Variants in UBR4 observed in about 807,000 individuals in gnomAD.
UBR4 encodes ubiquitin protein ligase E3 component n-recognin 4.
UBR4 carries 124 observed loss-of-function variants against 575.6 expected under a neutral mutation model. That is an observed-to-expected ratio of 0.22 (90% confidence interval 0.19 to 0.25). The LOEUF is 0.25. Ranked by LOEUF, UBR4 falls within the 10% of genes least tolerant of loss-of-function variation. The probability of loss-of-function intolerance (pLI) is 1.00; values close to 1 mark genes in which losing one functional copy is unlikely to be tolerated. For missense variants in UBR4, 4,818 were observed against 6,478.8 expected (o/e 0.74, Z 8.80); for synonymous variants, 2,455 against 2,473.7 (o/e 0.99, Z 0.22).
intron 81 of UBR4, among the ~76,000 whole-genome samples, chr1:19,107,237 C>T (rs1309958060): frequency 1.3e-5 from 2 of 152,154 alleles, no homozygotes; most frequent in Non-Finnish European, 2.9e-5. Flanking sequence ...ATAGCACTTA[C>T]ACTAATTCCT....
At chr1:19,144,207 C>T in intron 54 of UBR4, 116 bp from the exon 55 acceptor site, 1 of 875,558 alleles carries the variant, frequency 1.1e-6, no homozygotes, top group Non-Finnish European at 1.8e-6. Flanking sequence ...CCTCTCTACT[C>T]TCACCTGCAA....
At chr1:19,160,072 TC>T in intron 39 of UBR4, 38 bp downstream of exon 39, 1 of 1,592,594 alleles carries the variant, frequency 6.3e-7, no homozygotes, top group South Asian at 1.1e-5. Context: ...ATTTGTTGGT[TC>T]CCACAGCCAC....
Position 19,089,098 on chromosome 1 carries a change from C to T in UBR4, c.14212-121G>A, listed in dbSNP as rs760473202. On this transcript the variant is annotated intron_variant, in intron 97 of 105. Coordinates refer to ENST00000375254, the MANE Select transcript of UBR4 (RefSeq NM_020765.3). The surrounding 1 kb of genome is among the most constrained non-coding windows in gnomAD (Gnocchi z 4.3). ...CCATCTCATGTCACCTGCTCAGCTG[C>T]AATCAGGTCCTTTGATTCCACACTT... 3.1e-6 allele frequency: 3 copies of T among 953,984 alleles called. No individual in the cohort carries two copies. In the South Asian group the frequency reaches 4.8e-5, roughly 15 times the overall value. 59.1% of individuals were successfully genotyped at this position (953,984 alleles called of 1,614,324 possible). A position where few individuals can be genotyped will look rare whatever the true frequency, so the allele number is the denominator to read the frequency against.
intron 42 of UBR4, 100 bp from the exon 43 acceptor site, chr1:19,155,768 C>A: frequency 1.0e-6 from 1 of 964,264 alleles, no homozygotes; most frequent in Admixed American, 2.1e-5. Context: ...CAATAACAGG[C>A]ATTCATTCTC....
At chr1:19,167,260 G>C in intron 28 of UBR4, 29 bp from the exon 29 acceptor site, 1 of 1,611,280 alleles carries the variant, frequency 6.2e-7, no homozygotes. Flanking sequence ...AATCGAGTTA[G>C]TGAATACACT....
chr1:19,149,295 C>G (rs1338362223), intron 49 of UBR4, among the ~76,000 whole-genome samples: 3 of 152,160 alleles, frequency 2.0e-5, no homozygotes, highest in Admixed American at 2.0e-4. Flanking sequence ...AACATCCTGA[C>G]AGCTGAAGCT....
At chr1:19,124,474 G>A in intron 65 of UBR4, 67 bp downstream of exon 65, 2 of 1,577,396 alleles carry the variant, frequency 1.3e-6, no homozygotes, top group Non-Finnish European at 1.7e-6. Flanking sequence ...GGAAGAAAGG[G>A]GCCCACAGAG....
intron 54 of UBR4, 83 bp from the exon 55 acceptor site, chr1:19,144,174 C>G: frequency 7.8e-7 from 1 of 1,280,776 alleles, no homozygotes; most frequent in Non-Finnish European, 1.1e-6. Context: ...TTCTTGGTCA[C>G]TCACTCACAT....
At chr1:19,197,072 T>A in intron 8 of UBR4, 69 bp downstream of exon 8, 1 of 1,565,334 alleles carries the variant, frequency 6.4e-7, no homozygotes, top group Admixed American at 1.8e-5. Context: ...TCAGGAGGAT[T>A]TTCATGGTTT....
At chr1:19,105,669 G>A (rs879257483) in intron 84 of UBR4, 64 bp downstream of exon 84, 105 of 1,240,932 alleles carry the variant, frequency 8.5e-5, no homozygotes, top group Admixed American at 3.8e-4. Flanking sequence ...TGGATTCCCC[G>A]GGGAAGATGA....
intron 11 of UBR4, among the ~76,000 whole-genome samples, chr1:19,190,176 C>G (rs2091933301): frequency 6.6e-6 from 1 of 150,532 alleles, no homozygotes; most frequent in Non-Finnish European, 1.5e-5. Context: ...CACCTGTAAT[C>G]CTAGCTACCT....
At chr1:19,182,214 G>A (rs143993844) in intron 17 of UBR4, among the ~76,000 whole-genome samples, 139 of 152,276 alleles carry the variant, frequency 9.1e-4, no homozygotes, top group African/African-American at 3.1e-3. Context: ...TGGACACCAG[G>A]GTTGCTTCCA....
rs745598646 is a variant in UBR4 at position 19,128,680 on chromosome 1, T to C, written c.9003+298A>G. ...CAGCTAGTGAGTGGAAGAACAGCTA[T>C]TGGCCCACACTCTAATATCAACATA... On this transcript the variant is annotated intron_variant, in intron 61 of 105. Transcript: ENST00000375254. 2.0e-4 allele frequency among the ~76,000 whole-genome samples: 30 copies of C among 152,336 alleles called. 1 individual carries two copies. The highest frequency in any genetic ancestry group is 6.8e-3 in the Middle Eastern group (2 of 294).
chr1:19,198,408 C>T, intron 5 of UBR4, 133 bp downstream of exon 5: 1 of 1,262,594 alleles, frequency 7.9e-7, no homozygotes, highest in Non-Finnish European at 1.1e-6. Flanking sequence ...TTTTGTATTC[C>T]TCAATTTCTT....
At chr1:19,116,308 C>T (rs1216470242) in intron 73 of UBR4, among the ~76,000 whole-genome samples, 1 of 152,162 alleles carries the variant, frequency 6.6e-6, no homozygotes, top group Non-Finnish European at 1.5e-5. Flanking sequence ...GGGATCTGAA[C>T]CCAAATAGTC....
Position 19,145,913 on chromosome 1 carries a change from C to T in UBR4, c.7825G>A (p.Glu2609Lys). Residue 2609 changes from glutamate (E) to lysine (K), a missense_variant, in exon 53 of 106, where the codon GAA becomes AAA. By Grantham distance (56) the Glu-to-Lys change is moderately conservative (BLOSUM62 1). Transcript: ENST00000375254. ...METEGMDEGK[E>K]PQKQLEGDCC... is the part of the protein sequence containing the mutation. The stretch of plus-strand genomic sequence containing the variant: ...TCTCCTTCCAACTGCTTCTGCGGTT[C>T]CTTCCCTTCATCCATTCCTTCTAAG... The T allele has an allele frequency of 6.2e-7, 1 of 1,614,078 alleles. No individual in the cohort carries two copies. Among genetic ancestry groups the T allele is most frequent in the South Asian group, 1.1e-5 (1 of 91,068 alleles).
At position 19,143,997 on chromosome 1, in the gene UBR4, C is replaced by T. The variant is rs755847841; in HGVS notation, c.8162G>A (p.Arg2721Gln). The T allele has an allele frequency of 5.6e-6, 9 of 1,613,716 alleles. No individual in the cohort carries two copies. Among genetic ancestry groups the T allele is most frequent in the Non-Finnish European group, 6.8e-6 (8 of 1,179,734 alleles). Residue 2721 changes from arginine to glutamine, a missense_variant, in exon 55 of 106, where the codon CGA becomes CAA. Coordinates refer to ENST00000375254, the MANE Select transcript of UBR4 (RefSeq NM_020765.3). Reference protein sequence around the residue: ...RRHVTLPSSPRSNTPMGDKDD... With the variant: ...RRHVTLPSSPQSNTPMGDKDD... ...CATATTACCCATTGGAGTGTTGCTTCGAGGGGAAGAGGGTAAAGTCACATG... is the reference window on the plus strand; with the variant it reads ...CATATTACCCATTGGAGTGTTGCTTTGAGGGGAAGAGGGTAAAGTCACATG...
intron 27 of UBR4, among the ~76,000 whole-genome samples, chr1:19,168,451 ATATC>A (rs2088890492): frequency 6.6e-6 from 1 of 152,242 alleles, no homozygotes; most frequent in African/African-American, 2.4e-5. Flanking sequence ...ATAATGCACT[ATATC>A]TAAAGTAAAA....
intron 20 of UBR4, among the ~76,000 whole-genome samples, chr1:19,176,035 C>T (rs1051756607): frequency 2.6e-5 from 4 of 152,142 alleles, no homozygotes; most frequent in African/African-American, 9.7e-5. Context: ...GATCTTCCCA[C>T]TTTGCCCTCC....
Sources: allele counts gnomAD v4.1 joint callset (sites outside exome capture counted in the v4.1 genomes callset), GRCh38; gene constraint gnomAD v4.1.1; non-coding constraint Gnocchi (gnomAD v3.1); transcripts MANE v1.5; gene names NCBI Gene and HGNC (gene_info 2026-07-23, HGNC 2026-07-21).